Variants in KHDC4 observed in about 807,000 individuals in gnomAD.
KHDC4 encodes the protein KH homology domain-containing protein 4.
Under a neutral mutation model 74.5 loss-of-function variants are expected in KHDC4, and 19 were observed. The ratio of observed to expected loss-of-function variants is 0.26; its 90% CI spans 0.18 to 0.37. The LOEUF is 0.37. KHDC4 is among the 10% of genes least tolerant of loss of function. The pLI is 1.00. For synonymous variants in KHDC4, 253 were observed against 266.1 expected (o/e 0.95, Z 0.48); for missense variants, 632 against 754.1 (o/e 0.84, Z 1.90).
chr1:155,927,832 CCACACA>C (rs199711249), intron 4 of KHDC4, among the ~76,000 whole-genome samples: 986 of 90,902 alleles, frequency 0.011, 30 homozygotes, highest in African/African-American at 0.046. Flanking sequence ...AAAAAAAAAA[CCACACA>C]CACACACACA....
chr1:155,921,324 C>T, intron 10 of KHDC4, 51 bp downstream of exon 10: 1 of 1,592,186 alleles, frequency 6.3e-7, no homozygotes, highest in South Asian at 1.1e-5. Flanking sequence ...CCCTCTTTCC[C>T]CAGTTTTTCC....
intron 13 of KHDC4, chr1:155,915,548 C>G: frequency 2.9e-6 from 1 of 340,630 alleles, no homozygotes; most frequent in Non-Finnish European, 5.2e-6. Context: ...TGCTCTATTG[C>G]CCAGGCTGGA....
intron 12 of KHDC4, 116 bp from the exon 13 acceptor site, chr1:155,916,080 T>C: frequency 1.4e-6 from 1 of 708,236 alleles, no homozygotes; most frequent in Non-Finnish European, 2.4e-6. Context: ...TTTTAACCAT[T>C]AATTTCAACC....
At chr1:155,918,833 CCT>C (rs923930117) in intron 10 of KHDC4, among the ~76,000 whole-genome samples, 6 of 152,134 alleles carry the variant, frequency 3.9e-5, no homozygotes, top group African/African-American at 1.2e-4. Flanking sequence ...TCCTTGCAAA[CCT>C]CTGAGATTTT....
chr1:155,933,817 G>T lies in KHDC4; in HGVS notation c.71C>A (p.Ala24Asp). The change falls in exon 2 of 14, where the codon GCC becomes GAC. Residue 24 changes from alanine (A) to aspartate (D), a missense_variant. Physicochemically the swap from Ala to Asp is moderately radical, Grantham distance 126. Coordinates refer to ENST00000368321, the MANE Select transcript of KHDC4 (RefSeq NM_014949.4). ...CGCTGGCGGGAGGAAGAGAAGTGGG[G>T]CTGGAGCTGGTTGGTCCCATTTGCT... ...RRSKWDQPAPAPLLFLPPAAP... is the reference protein window; with the variant it reads ...RRSKWDQPAPDPLLFLPPAAP... 6.3e-7 allele frequency: 1 copy of T among 1,585,264 alleles called. No homozygotes were observed. The highest frequency in any genetic ancestry group is 8.6e-7 in the Non-Finnish European group (1 of 1,164,094).
At chr1:155,916,580 A>G in intron 12 of KHDC4, 45 bp downstream of exon 12, 1 of 1,329,462 alleles carries the variant, frequency 7.5e-7, no homozygotes. Flanking sequence ...CTAATGGTGC[A>G]AACAAATAAC....
chr1:155,918,522 T>C (rs1372093152), intron 10 of KHDC4, among the ~76,000 whole-genome samples: 1 of 152,194 alleles, frequency 6.6e-6, no homozygotes, highest in Non-Finnish European at 1.5e-5. Flanking sequence ...TTTTGTCATT[T>C]AACAAATGTG....
rs768130562 is a variant in KHDC4 at position 155,929,688 on chromosome 1, CAA to C, written c.384+22_384+23del. On this transcript the variant is annotated intron_variant, in intron 3 of 13. Coordinates refer to ENST00000368321, the MANE Select transcript of KHDC4 (RefSeq NM_014949.4). ...ATCTGAATCCACTCACCGCCCTCCCCAAAGAGTCTCAATGCCTCCTCACCTCG... is the reference window on the plus strand; with the variant it reads ...ATCTGAATCCACTCACCGCCCTCCCCAGAGTCTCAATGCCTCCTCACCTCG... 4.4e-6 allele frequency: 7 copies of C among 1,602,910 alleles called. 1 individual carries two copies. The South Asian group carries it at 4.5e-5, about 10-fold the overall frequency.
chr1:155,927,875 A>ACACACACACACACAC (rs1557970782), intron 4 of KHDC4, among the ~76,000 whole-genome samples: 2 of 71,622 alleles, frequency 2.8e-5, no homozygotes, highest in African/African-American at 1.0e-4. Flanking sequence ...CACACACACA[A>ACACACACACACACAC]AATTAATGGG....
rs117386914 is a variant in KHDC4 at position 155,929,692 on chromosome 1, G to A, written c.384+20C>T. On this transcript the variant is annotated intron_variant, in intron 3 of 13. Transcript: ENST00000368321. ...GAATCCACTCACCGCCCTCCCCAAAGAGTCTCAATGCCTCCTCACCTCGTC... is the reference window on the plus strand; with the variant it reads ...GAATCCACTCACCGCCCTCCCCAAAAAGTCTCAATGCCTCCTCACCTCGTC... 342 of 1,603,524 alleles carry A rather than the reference G, an allele frequency of 2.1e-4. 1 individual carries two copies. In the East Asian group the frequency reaches 7.5e-3, roughly 35 times the overall value.
In KHDC4 at chr1:155,921,918, C is replaced by T. The variant is rs771608110; in HGVS notation, c.955G>A (p.Val319Ile). Residue 319 changes from valine (V) to isoleucine (I), a missense_variant and splice_region_variant, in exon 9 of 14, where the codon GTT (valine) becomes ATT (isoleucine). This residue lies in a region of KHDC4 where 233 missense variants were observed against 342.6 expected (regional missense o/e 0.68). Transcript: ENST00000368321. ...ACAAATCTAGAGTATTCAGCATGAACCTGAAAGAGAGGGGGAAACAAATTA... is the reference window on the plus strand; with the variant it reads ...ACAAATCTAGAGTATTCAGCATGAATCTGAAAGAGAGGGGGAAACAAATTA... ...KKLCENLLQT[V>I]HAEYSRFVNQ... 6.2e-7 allele frequency: 1 copy of T among 1,603,970 alleles called. No homozygotes were observed. Among genetic ancestry groups the T allele is most frequent in the Non-Finnish European group, 8.5e-7 (1 of 1,171,684 alleles).
intron 10 of KHDC4, among the ~76,000 whole-genome samples, chr1:155,919,071 A>G (rs1045167903): frequency 2.0e-5 from 3 of 148,146 alleles, no homozygotes; most frequent in Non-Finnish European, 3.0e-5. Context: ...GGGTTCAAGC[A>G]ATTCTCCTGC....
chr1:155,934,349 G>A lies in KHDC4; in HGVS notation c.25C>T (p.Pro9Ser), dbSNP rs774858633. MSAGSATH[P>S]GAGGRRSKWD... ...CTGAAGCCGTACCCGCCAGCTCCAG[G>A]ATGTGTCGCGCTCCCCGCGGACATG... Residue 9 changes from proline to serine, a missense_variant, in exon 1 of 14, where the codon CCT (proline) becomes TCT (serine). This residue lies in a region of KHDC4 where 104 missense variants were observed against 78.1 expected (regional missense o/e 1.33). Coordinates refer to ENST00000368321, the MANE Select transcript of KHDC4 (RefSeq NM_014949.4). 9 of 1,610,864 alleles carry A rather than the reference G, an allele frequency of 5.6e-6. No homozygotes were observed. Among genetic ancestry groups the A allele is most frequent in the African/African-American group, 5.3e-5 (4 of 74,908 alleles).
At chr1:155,914,567 G>GA (rs546047312) in intron 13 of KHDC4, 477 of 358,728 alleles carry the variant, frequency 1.3e-3, no homozygotes, top group Non-Finnish European at 1.6e-3. Context: ...CACAAAAAAA[G>GA]AAAAAAAAAG....
At chr1:155,921,127 G>T in intron 10 of KHDC4, 1 of 504,846 alleles carries the variant, frequency 2.0e-6, no homozygotes, top group Middle Eastern at 5.4e-4. Context: ...TATAGCAAGT[G>T]TGCCCACCAT....
At chr1:155,919,656 A>G (rs1673810634) in intron 10 of KHDC4, among the ~76,000 whole-genome samples, 1 of 152,020 alleles carries the variant, frequency 6.6e-6, no homozygotes, top group Non-Finnish European at 1.5e-5. Context: ...TAAAAATACA[A>G]AACAATTAGC....
intron 11 of KHDC4, 153 bp from the exon 12 acceptor site, chr1:155,916,890 GT>G: frequency 1.8e-6 from 1 of 553,812 alleles, no homozygotes; most frequent in Non-Finnish European, 3.2e-6. Context: ...TGTAACTGTA[GT>G]CAAAAGTAGG....
Position 155,921,430 on chromosome 1 carries a change from G to A in KHDC4, c.1211C>T (p.Pro404Leu). 1 of 1,614,174 alleles carries A rather than the reference G, an allele frequency of 6.2e-7. No individual in the cohort carries two copies. Among genetic ancestry groups the A allele is most frequent in the Non-Finnish European group, 8.5e-7 (1 of 1,180,014 alleles). Residue 404 changes from proline (P) to leucine (L), a missense_variant, in exon 10 of 14, where the codon CCT (proline) becomes CTT (leucine). Around this residue, in one of 4 missense-constraint regions of KHDC4, gnomAD observed 254 missense variants for 267.4 expected, o/e 0.95. Transcript: ENST00000368321. The part of the protein sequence containing the change: ...VLPALPTGVP[P>L]VPTQYPITQV... The stretch of plus-strand genomic sequence containing the variant: ...TGTTATCGGGTATTGTGTTGGCACA[G>A]GTGGGACTCCAGTAGGTAATGCCGG...
intron 11 of KHDC4, 142 bp from the exon 12 acceptor site, chr1:155,916,879 G>A (rs765042790): frequency 1.3e-4 from 78 of 588,502 alleles, no homozygotes; most frequent in Non-Finnish European, 1.7e-4. Flanking sequence ...GGGATCTGCT[G>A]TGTAACTGTA....
Sources: allele counts gnomAD v4.1 joint callset (sites outside exome capture counted in the v4.1 genomes callset), GRCh38; gene constraint gnomAD v4.1.1; regional missense constraint gnomAD v4.1.1; transcripts MANE v1.5; gene names NCBI Gene and HGNC (gene_info 2026-07-23, HGNC 2026-07-21).